PNPLA7: variants seen among roughly 807,000 people sequenced by gnomAD.
The protein encoded by PNPLA7 is patatin like domain 7, lysophospholipase, also known as patatin-like phospholipase domain-containing protein 7.
Under a neutral mutation model 161.7 loss-of-function variants are expected in PNPLA7, and 153 were observed. The ratio of observed to expected loss-of-function variants is 0.95; its 90% CI spans 0.83 to 1.08. The LOEUF is 1.08. PNPLA7 is among the 50% of genes least tolerant of loss of function. PNPLA7 has a pLI of 0.00. For missense variants in PNPLA7, 1,739 were observed against 1,856.6 expected (o/e 0.94, Z 1.16); for synonymous variants, 809 against 782.1 (o/e 1.03, Z -0.57).
rs751613413 is a variant in PNPLA7 at position 137,500,671 on chromosome 9, T to C, written c.1757+20A>G. The C allele has an allele frequency of 1.2e-6, 2 of 1,610,250 alleles. No homozygotes were observed. Among genetic ancestry groups the C allele is most frequent in the African/African-American group, 2.7e-5 (2 of 74,872 alleles). ...GGGGGGGCTGGGGCCCGCCCTGAGG[T>C]CCTGGCCCGTGGGACTCACTCATAG... On this transcript the variant is annotated intron_variant, in intron 16 of 34. Coordinates refer to ENST00000406427, the MANE Select transcript of PNPLA7 (RefSeq NM_001098537.3). The surrounding 1 kb of genome is among the most constrained non-coding windows in gnomAD (Gnocchi z 5.5).
At chr9:137,525,717 C>T (rs1012282749) in intron 8 of PNPLA7, among the ~76,000 whole-genome samples, 2 of 148,908 alleles carry the variant, frequency 1.3e-5, no homozygotes, top group South Asian at 2.2e-4. Flanking sequence ...CACAGGGAGA[C>T]GTTTAGGCCT....
At chr9:137,503,576 AG>A (rs1323569591) in intron 14 of PNPLA7, among the ~76,000 whole-genome samples, 7 of 129,236 alleles carry the variant, frequency 5.4e-5, no homozygotes, top group African/African-American at 2.0e-4. Context: ...AGGAAGGAGA[AG>A]GAGAAGGAGG....
At chr9:137,482,822 C>A (rs1832287194) in intron 21 of PNPLA7, among the ~76,000 whole-genome samples, 1 of 152,260 alleles carries the variant, frequency 6.6e-6, no homozygotes, top group Non-Finnish European at 1.5e-5. Context: ...TCTCTCTTTA[C>A]TATTCCACAA....
chr9:137,542,450 G>A (rs1836255690), intron 7 of PNPLA7, among the ~76,000 whole-genome samples, 192 bp downstream of exon 7: 1 of 152,172 alleles, frequency 6.6e-6, no homozygotes. Context: ...CAGCCTGGGT[G>A]ACAGAGTGAG....
intron 18 of PNPLA7, among the ~76,000 whole-genome samples, chr9:137,496,065 C>T (rs1003933374): frequency 5.9e-5 from 9 of 152,010 alleles, no homozygotes; most frequent in African/African-American, 1.9e-4. Flanking sequence ...CTGAAGGCCA[C>T]GCTGTCCCCA....
At position 137,547,773 on chromosome 9, in the gene PNPLA7, C is replaced by T; in HGVS notation, c.31-114G>A. The T allele has an allele frequency of 6.8e-6, 7 of 1,024,216 alleles. 1 individual carries two copies. In the South Asian group the frequency reaches 9.4e-5, roughly 14 times the overall value. The allele number at this position is 1,024,216 out of a possible 1,614,324, so 63.4% of individuals were successfully genotyped here. The stretch of plus-strand genomic sequence containing the variant: ...GGGGAGAAGTCAGCAGCCCTGGAGA[C>T]TTCTGGGAAGAAGTGATCTCGCCCG... On this transcript the variant is annotated intron_variant, in intron 1 of 34. Transcript: ENST00000406427. This position sits in a 1 kb window ranked among gnomAD's most constrained non-coding sequence, Gnocchi z 4.6.
chr9:137,461,983 A>G lies in PNPLA7; in HGVS notation c.3704T>C (p.Leu1235Pro). 6.2e-7 allele frequency: 1 copy of G among 1,601,632 alleles called. No homozygotes were observed. Among genetic ancestry groups the G allele is most frequent in the Non-Finnish European group, 8.5e-7 (1 of 1,176,772 alleles). ...CTGCTGGTCGCGGAGCATCTTCTCC[A>G]GCACGCCGCTGCGGCCCCAGATGTC... ...VFDIWGRSGV[L>P]EKMLRDQQGP... is the part of the protein sequence containing the mutation. Residue 1235 changes from leucine to proline, a missense_variant, in exon 32 of 35, where the codon CTG becomes CCG. By Grantham distance (98) the Leu-to-Pro change is moderately conservative. This residue lies in a region of PNPLA7 where 703 missense variants were observed against 694.6 expected (regional missense o/e 1.01). Transcript: ENST00000406427.
intron 25 of PNPLA7, among the ~76,000 whole-genome samples, chr9:137,471,663 T>C (rs1238633823): frequency 6.6e-6 from 1 of 150,470 alleles, no homozygotes; most frequent in East Asian, 1.9e-4. Context: ...CTTAGAAATA[T>C]AGTTAACAAA....
chr9:137,483,575 C>A (rs1832329522), intron 21 of PNPLA7, among the ~76,000 whole-genome samples: 2 of 152,164 alleles, frequency 1.3e-5, no homozygotes, highest in South Asian at 4.1e-4. Context: ...CTGCCTCAGC[C>A]TCCCACATAG....
Position 137,550,375 on chromosome 9 carries a change from G to T in PNPLA7, c.-178C>A. 1 of 709,020 alleles carries T rather than the reference G, an allele frequency of 1.4e-6. No homozygotes were observed. The highest frequency in any genetic ancestry group is 2.4e-6 in the Non-Finnish European group (1 of 408,988). 43.9% of individuals were successfully genotyped at this position (709,020 alleles called of 1,614,324 possible). A position where few individuals can be genotyped will look rare whatever the true frequency, so the allele number is the denominator to read the frequency against. The stretch of plus-strand genomic sequence containing the variant: ...AAAAGTCTGTTCTCCAGGAAGAAAA[G>T]CTGTCTTTTGAGAAGTGTCTGTCAT... On this transcript the variant is annotated 5_prime_UTR_variant, in exon 1 of 35. Coordinates refer to ENST00000406427, the MANE Select transcript of PNPLA7 (RefSeq NM_001098537.3).
chr9:137,505,901 C>G (rs1833892049), intron 13 of PNPLA7, 82 bp downstream of exon 13: 3 of 1,528,696 alleles, frequency 2.0e-6, no homozygotes, highest in Non-Finnish European at 2.7e-6. Flanking sequence ...GACACCAAAG[C>G]CGGCGGCGCC....
chr9:137,534,799 C>T (rs750054632), intron 8 of PNPLA7, among the ~76,000 whole-genome samples: 2 of 152,172 alleles, frequency 1.3e-5, no homozygotes, highest in Non-Finnish European at 2.9e-5. Flanking sequence ...TCTAGATTAC[C>T]TTACGCCTCC....
chr9:137,461,461 TG>T (rs945083661), intron 33 of PNPLA7, 74 bp downstream of exon 33: 15 of 1,190,534 alleles, frequency 1.3e-5, no homozygotes, highest in Middle Eastern at 2.1e-4. Flanking sequence ...GCCTCTGGGG[TG>T]GGGGGGTTCA....
At position 137,461,995 on chromosome 9, in the gene PNPLA7, C is replaced by T. The variant is rs561462823; in HGVS notation, c.3692G>A (p.Arg1231His). The T allele has an allele frequency of 1.4e-4, 220 of 1,603,074 alleles. No homozygotes were observed. The East Asian group carries it at 3.2e-3, about 23-fold the overall frequency. Residue 1231 changes from arginine (R) to histidine (H), a missense_variant, in exon 32 of 35, where the codon CGC becomes CAC. Coordinates refer to ENST00000406427, the MANE Select transcript of PNPLA7 (RefSeq NM_001098537.3). ...GAGCATCTTCTCCAGCACGCCGCTG[C>T]GGCCCCAGATGTCAAACACCGTGCG... ...HGRTVFDIWGRSGVLEKMLRD... is the reference protein window; with the variant it reads ...HGRTVFDIWGHSGVLEKMLRD...
At chr9:137,509,789 C>T in intron 12 of PNPLA7, 2 of 454,410 alleles carry the variant, frequency 4.4e-6, no homozygotes, top group Non-Finnish European at 8.9e-6. Flanking sequence ...CACCCAGGCA[C>T]TGAGGCAAGA....
chr9:137,540,617 G>C lies in PNPLA7; in HGVS notation c.747+25C>G. The C allele has an allele frequency of 6.3e-7, 1 of 1,598,410 alleles. No homozygotes were observed. The highest frequency in any genetic ancestry group is 8.5e-7 in the Non-Finnish European group (1 of 1,172,822). On this transcript the variant is annotated intron_variant, in intron 8 of 34. Coordinates refer to ENST00000406427, the MANE Select transcript of PNPLA7 (RefSeq NM_001098537.3). This position sits in a 1 kb window ranked among gnomAD's most constrained non-coding sequence, Gnocchi z 5.1. ...TCCGGGGCCAACCCAGGGGCGCCCG[G>C]AGGGCCAGGCAGCGGGGGACTCACG...
Position 137,460,025 on chromosome 9 carries a change from C to T in PNPLA7, c.*368G>A, listed in dbSNP as rs1831094165. ...CTCCCACACCTCACAGGGCAGCAGG[C>T]AGTTCACAGGACAGCAGGCAGTTCA... On this transcript the variant is annotated 3_prime_UTR_variant, in exon 35 of 35. Coordinates refer to ENST00000406427, the MANE Select transcript of PNPLA7 (RefSeq NM_001098537.3). The T allele has an allele frequency of 1.3e-5, 3 of 230,508 alleles. No individual in the cohort carries two copies. Among genetic ancestry groups the T allele is most frequent in the African/African-American group, 2.3e-5 (1 of 43,988 alleles). The allele number at this position is 230,508 out of a possible 1,614,324, so 14.3% of individuals were successfully genotyped here.
At chr9:137,515,274 T>G (rs843967) in intron 12 of PNPLA7, 105 bp downstream of exon 12, 2 of 1,436,496 alleles carry the variant, frequency 1.4e-6, no homozygotes, top group East Asian at 2.5e-5. Flanking sequence ...TAGTGGAGGG[T>G]GCCCGCCTCG....
chr9:137,497,077 C>T, intron 18 of PNPLA7, 110 bp downstream of exon 18: 1 of 1,293,272 alleles, frequency 7.7e-7, no homozygotes, highest in African/African-American at 1.5e-5. Context: ...CCATCCACTC[C>T]TGGGGCTTTT....
Sources: allele counts gnomAD v4.1 joint callset (sites outside exome capture counted in the v4.1 genomes callset), GRCh38; gene constraint gnomAD v4.1.1; regional missense constraint gnomAD v4.1.1; non-coding constraint Gnocchi (gnomAD v3.1); transcripts MANE v1.5; gene names NCBI Gene and HGNC (gene_info 2026-07-23, HGNC 2026-07-21).